Variants in DLGAP1 observed in about 807,000 individuals in gnomAD.
DLGAP1 encodes the protein disks large-associated protein 1.
DLGAP1 carries 11 observed loss-of-function variants against 90.8 expected under a neutral mutation model. That is an observed-to-expected ratio of 0.12 (90% CI 0.08 to 0.20). DLGAP1 has a LOEUF of 0.20. Ranked by LOEUF, DLGAP1 falls within the 10% of genes least tolerant of loss-of-function variation. DLGAP1 has a pLI of 1.00. For missense variants in DLGAP1, 1,050 were observed against 1,333.8 expected (o/e 0.79, Z 3.31); for synonymous variants, 558 against 540.7 (o/e 1.03, Z -0.44).
At position 4,274,809 on chromosome 18, in the gene DLGAP1, C is replaced by T. The variant is rs536419671; in HGVS notation, c.-266-123522G>A. Among the ~76,000 whole-genome samples the T allele has an allele frequency of 2.6e-5, 4 of 152,184 alleles. No individual in the cohort carries two copies. The East Asian group carries it at 7.7e-4, about 29-fold the overall frequency. ...TTTGTCATAAATGAACACACTAAAC[C>T]ATTTAAATAACTGCATAAGTAATAT... is the stretch of plus-strand genomic sequence containing the variant. On this transcript the variant is annotated intron_variant, in intron 1 of 12. Coordinates refer to ENST00000315677, the MANE Select transcript of DLGAP1 (RefSeq NM_004746.4).
At chr18:4,351,444 A>C (rs2081400350) in intron 1 of DLGAP1, among the ~76,000 whole-genome samples, 1 of 152,186 alleles carries the variant, frequency 6.6e-6, no homozygotes, top group Non-Finnish European at 1.5e-5. Flanking sequence ...AAATAATTTA[A>C]ATTTTTAGTA....
At chr18:3,701,976 G>A (rs973166390) in intron 7 of DLGAP1, among the ~76,000 whole-genome samples, 29 of 152,230 alleles carry the variant, frequency 1.9e-4, no homozygotes, top group Non-Finnish European at 3.5e-4. Context: ...TCGGGGTAAG[G>A]TTGAGATGTA....
intron 3 of DLGAP1, among the ~76,000 whole-genome samples, chr18:3,948,115 A>G (rs1490848597): frequency 1.3e-5 from 2 of 152,186 alleles, no homozygotes. Context: ...AACACAGAAG[A>G]GACCAACTGA....
At chr18:3,605,654 GA>G (rs1321824849) in intron 7 of DLGAP1, among the ~76,000 whole-genome samples, 1 of 152,162 alleles carries the variant, frequency 6.6e-6, no homozygotes, top group African/African-American at 2.4e-5. Context: ...AAAACTTCAA[GA>G]AAGCTGTTGT....
At chr18:4,181,554 C>A (rs965500887) in intron 1 of DLGAP1, among the ~76,000 whole-genome samples, 1 of 152,134 alleles carries the variant, frequency 6.6e-6, no homozygotes, top group African/African-American at 2.4e-5. Context: ...CACTCTTATT[C>A]GTAACAAAAC....
At chr18:3,522,534 G>A (rs886622923) in intron 10 of DLGAP1, among the ~76,000 whole-genome samples, 7 of 145,102 alleles carry the variant, frequency 4.8e-5, no homozygotes, top group African/African-American at 1.6e-4. Context: ...TTAAAGACAC[G>A]TGCAGTCAAC....
chr18:4,400,075 TC>T (rs201649035), intron 1 of DLGAP1, among the ~76,000 whole-genome samples: 4,414 of 151,768 alleles, frequency 0.029, 91 homozygotes, highest in South Asian at 0.095. Context: ...CACCACATGT[TC>T]CCCCACCCCC....
intron 3 of DLGAP1, among the ~76,000 whole-genome samples, chr18:4,002,439 C>T (rs1272624399): frequency 6.6e-6 from 1 of 152,150 alleles, no homozygotes; most frequent in Non-Finnish European, 1.5e-5. Context: ...CATCTCTTCT[C>T]CCTCATCAGC....
At chr18:4,008,967 G>C (rs543921401) in intron 2 of DLGAP1, among the ~76,000 whole-genome samples, 17 of 152,120 alleles carry the variant, frequency 1.1e-4, no homozygotes, top group African/African-American at 4.1e-4. Context: ...GCGGTGGCGC[G>C]ATCTCGGCTC....
chr18:3,991,795 C>T (rs2073974046), intron 3 of DLGAP1, among the ~76,000 whole-genome samples: 1 of 152,222 alleles, frequency 6.6e-6, no homozygotes. Context: ...AACTGCATTA[C>T]ATATAGAATT....
chr18:4,384,784 T>C (rs755678650), intron 1 of DLGAP1, among the ~76,000 whole-genome samples: 14 of 150,450 alleles, frequency 9.3e-5, no homozygotes, highest in Non-Finnish European at 1.8e-4. Context: ...CTTTTTATTA[T>C]TAGAAAACAA....
chr18:3,998,504 C>T (rs967876784), intron 3 of DLGAP1, among the ~76,000 whole-genome samples: 8 of 152,042 alleles, frequency 5.3e-5, no homozygotes, highest in African/African-American at 1.9e-4. Context: ...GCTATTTCTT[C>T]AGGGAGCCTG....
chr18:4,087,241 A>C (rs1290905015), intron 2 of DLGAP1, among the ~76,000 whole-genome samples: 1 of 151,738 alleles, frequency 6.6e-6, no homozygotes, highest in East Asian at 1.9e-4. Context: ...ACAGGCCCCC[A>C]AATCTGTCCA....
intron 1 of DLGAP1, among the ~76,000 whole-genome samples, chr18:4,421,117 C>G (rs1325116765): frequency 2.6e-5 from 4 of 152,194 alleles, no homozygotes; most frequent in Admixed American, 2.6e-4. Context: ...AAGTTATACT[C>G]TCCCTCTTCT....
intron 2 of DLGAP1, among the ~76,000 whole-genome samples, chr18:4,080,454 C>T (rs2075588871): frequency 6.6e-6 from 1 of 152,092 alleles, no homozygotes; most frequent in African/African-American, 2.4e-5. Context: ...TTCAAAATGG[C>T]TATTCAGGAA....
At chr18:3,624,755 GT>G (rs971804877) in intron 7 of DLGAP1, among the ~76,000 whole-genome samples, 9 of 152,152 alleles carry the variant, frequency 5.9e-5, no homozygotes, top group Non-Finnish European at 1.3e-4. Context: ...AATTTATTTT[GT>G]TTTTTTCTGC....
At chr18:3,574,785 T>C (rs2055010554) in intron 8 of DLGAP1, among the ~76,000 whole-genome samples, 1 of 66,378 alleles carries the variant, frequency 1.5e-5, no homozygotes, top group African/African-American at 1.1e-4. Flanking sequence ...TGCCTTTTTA[T>C]TTTATTTTAT....
At position 3,515,795 on chromosome 18, in the gene DLGAP1, A is replaced by G. The variant is rs868253094; in HGVS notation, c.2480-7134T>C. Among the ~76,000 whole-genome samples the G allele has an allele frequency of 1.2e-3, 177 of 151,856 alleles. 1 individual carries two copies. Among genetic ancestry groups the G allele is most frequent in the Middle Eastern group, 0.01 (3 of 294 alleles). ...CCTGTCTCAAAAAAAAAAAAAAAAA[A>G]AAAAGGGAGTCAAAATCCTCTCGAA... On this transcript the variant is annotated intron_variant, in intron 10 of 12. Coordinates refer to ENST00000315677, the MANE Select transcript of DLGAP1 (RefSeq NM_004746.4).
intron 9 of DLGAP1, among the ~76,000 whole-genome samples, chr18:3,538,340 A>G (rs2052495870): frequency 6.6e-6 from 1 of 151,798 alleles, no homozygotes; most frequent in South Asian, 2.1e-4. Context: ...TATCCAACCC[A>G]GTCACTTTTG....
Sources: allele counts gnomAD v4.1 joint callset (sites outside exome capture counted in the v4.1 genomes callset), GRCh38; gene constraint gnomAD v4.1.1; transcripts MANE v1.5; gene names NCBI Gene and HGNC (gene_info 2026-07-23, HGNC 2026-07-21).